The following RANBP3 variants were observed in gnomAD, a reference collection of about 807,000 sequenced individuals.
The protein encoded by RANBP3 is ran-binding protein 3.
A neutral mutation model predicts 77.3 loss-of-function variants in RANBP3; 14 were observed. That is an observed-to-expected ratio of 0.18 (90% CI 0.12 to 0.28). RANBP3 has a LOEUF of 0.28. Ranked by LOEUF, RANBP3 falls within the 10% of genes least tolerant of loss-of-function variation. The pLI, the probability that RANBP3 is intolerant of heterozygous loss-of-function variation, is 1.00. For synonymous variants in RANBP3, 315 were observed against 312.4 expected (o/e 1.01, Z -0.09); for missense variants, 586 against 752.3 (o/e 0.78, Z 2.59).
intron 10 of RANBP3, 111 bp downstream of exon 10, chr19:5,925,523 T>C: frequency 1.1e-6 from 1 of 932,836 alleles, no homozygotes. Context: ...GAGAGCAACC[T>C]GGATTCTGGG....
chr19:5,935,319 GCCT>G (rs2058049089), intron 5 of RANBP3, among the ~76,000 whole-genome samples: 1 of 152,194 alleles, frequency 6.6e-6, no homozygotes, highest in Admixed American at 6.5e-5. Context: ...CAGAGCTGGT[GCCT>G]CTCCCGTAAC....
intron 8 of RANBP3, 109 bp downstream of exon 8, chr19:5,931,295 T>C: frequency 7.5e-7 from 1 of 1,332,202 alleles, no homozygotes; most frequent in Non-Finnish European, 1.0e-6. Flanking sequence ...ACGTGGAAAC[T>C]GCTTGGAACA....
intron 15 of RANBP3, 110 bp downstream of exon 15, chr19:5,918,386 A>ACGGGGGGGGGGCGGG: frequency 1.6e-6 from 1 of 617,696 alleles, no homozygotes; most frequent in African/African-American, 1.9e-5. Flanking sequence ...GAAGCAACTG[A>ACGGGGGGGGGGCGGG]AGCCCCTCCC....
chr19:5,939,404 G>A (rs1426798801), intron 5 of RANBP3, among the ~76,000 whole-genome samples: 1 of 152,120 alleles, frequency 6.6e-6, no homozygotes, highest in African/African-American at 2.4e-5. Flanking sequence ...AGCTGAAGAA[G>A]AACTGACTTT....
intron 1 of RANBP3, among the ~76,000 whole-genome samples, chr19:5,960,862 C>T (rs1384134565): frequency 6.6e-6 from 1 of 152,174 alleles, no homozygotes; most frequent in Non-Finnish European, 1.5e-5. Context: ...CAGGAGAGGG[C>T]CCCTCTGATG....
At chr19:5,932,613 A>T (rs2058008710) in intron 6 of RANBP3, 69 bp from the exon 7 acceptor site, 3 of 1,264,364 alleles carry the variant, frequency 2.4e-6, no homozygotes, top group Non-Finnish European at 2.3e-6. Flanking sequence ...TCAGAGACTG[A>T]CCCCTGGCAT....
At chr19:5,957,090 C>T (rs2058343862) in intron 2 of RANBP3, among the ~76,000 whole-genome samples, 1 of 152,060 alleles carries the variant, frequency 6.6e-6, no homozygotes, top group Non-Finnish European at 1.5e-5. Flanking sequence ...CGTCGCTGGG[C>T]ATCAGTGGGG....
At position 5,924,785 on chromosome 19, in the gene RANBP3, G is replaced by A; in HGVS notation, c.996+42C>T. 1 of 1,578,296 alleles carries A rather than the reference G, an allele frequency of 6.3e-7. No individual in the cohort carries two copies. The highest frequency in any genetic ancestry group is 8.7e-7 in the Non-Finnish European group (1 of 1,147,588). On this transcript the variant is annotated intron_variant, in intron 11 of 16. Transcript: ENST00000340578. The surrounding 1 kb of genome is among the most constrained non-coding windows in gnomAD (Gnocchi z 4.7). ...CCCCTTGACCTGTGGCTGGCGCCGA[G>A]AGCCTCTGGTCCCTGAGAACATTCC...
chr19:5,975,271 C>T (rs775076636), intron 1 of RANBP3, among the ~76,000 whole-genome samples: 5 of 152,088 alleles, frequency 3.3e-5, no homozygotes, highest in Non-Finnish European at 7.4e-5. Flanking sequence ...CCAGAACTAG[C>T]GTCAGGGACA....
intron 1 of RANBP3, among the ~76,000 whole-genome samples, chr19:5,964,869 C>CG (rs2058447772): frequency 3.0e-5 from 1 of 33,140 alleles, no homozygotes; most frequent in Admixed American, 4.9e-4. Context: ...GGGGGTGGCA[C>CG]GGTGGGGGGT....
At chr19:5,936,235 G>T (rs1344130853) in intron 5 of RANBP3, among the ~76,000 whole-genome samples, 1 of 152,270 alleles carries the variant, frequency 6.6e-6, no homozygotes, top group African/African-American at 2.4e-5. Context: ...CCATGCGGTG[G>T]GCAGGGAGTG....
rs142491616 is a variant in RANBP3, at chr19:5,940,887, C to T, written c.406+734G>A. ...CAGAGTTGTGCCCATGGCAGGAGGC[C>T]GGGCTTTCTGAGTGTTATATTAAGT... On this transcript the variant is annotated intron_variant, in intron 5 of 16. Coordinates refer to ENST00000340578, the MANE Select transcript of RANBP3 (RefSeq NM_007322.3). 1.7e-3 allele frequency among the ~76,000 whole-genome samples: 252 copies of T among 152,344 alleles called. 1 individual carries two copies. Among genetic ancestry groups the T allele is most frequent in the South Asian group, 6.2e-3 (30 of 4,830 alleles).
At chr19:5,956,748 T>C (rs1188635888) in intron 2 of RANBP3, among the ~76,000 whole-genome samples, 2 of 152,198 alleles carry the variant, frequency 1.3e-5, no homozygotes, top group African/African-American at 4.8e-5. Flanking sequence ...AGATAAATGC[T>C]GGCTTTGGGA....
intron 7 of RANBP3, 140 bp downstream of exon 7, chr19:5,932,312 A>G: frequency 1.4e-6 from 1 of 703,168 alleles, no homozygotes; most frequent in Non-Finnish European, 2.4e-6. Flanking sequence ...GGGTGATTTA[A>G]AGGATCATCT....
At chr19:5,933,667 G>A (rs985221631) in intron 5 of RANBP3, 188 bp from the exon 6 acceptor site, 1 of 538,438 alleles carries the variant, frequency 1.9e-6, no homozygotes, top group South Asian at 2.3e-5. Context: ...CTGGAGGAGG[G>A]GAGAGACAAG....
intron 5 of RANBP3, chr19:5,935,715 C>T (rs534176393): frequency 1.1e-5 from 5 of 456,696 alleles, no homozygotes; most frequent in South Asian, 6.2e-5. Context: ...AGAGCGTGGC[C>T]CTCTCCAGAG....
In RANBP3 at chr19:5,925,755, C is replaced by T. The variant is rs201047609; in HGVS notation, c.814-18G>A. 1.6e-5 allele frequency: 26 copies of T among 1,606,540 alleles called. No homozygotes were observed. The East Asian group carries it at 2.2e-4, about 14-fold the overall frequency. On this transcript the variant is annotated intron_variant, in intron 9 of 16. Coordinates refer to ENST00000340578, the MANE Select transcript of RANBP3 (RefSeq NM_007322.3). Reference sequence around the variant, plus strand: ...TTTATCAGCTGGGAATGAGACGGAGCGCTCAGTAATCGGGGGTGGGGGGGT... The same window carrying T: ...TTTATCAGCTGGGAATGAGACGGAGTGCTCAGTAATCGGGGGTGGGGGGGT...
intron 1 of RANBP3, among the ~76,000 whole-genome samples, chr19:5,969,414 G>C (rs1481306534): frequency 1.3e-5 from 2 of 152,214 alleles, no homozygotes; most frequent in African/African-American, 4.8e-5. Flanking sequence ...AAAATTCTCT[G>C]TGGCAAACCT....
At chr19:5,945,031 C>A (rs2145155514) in intron 3 of RANBP3, among the ~76,000 whole-genome samples, 1 of 152,282 alleles carries the variant, frequency 6.6e-6, no homozygotes, top group Middle Eastern at 3.4e-3. Context: ...CGAGAATGAA[C>A]CCCTTGGTGA....
Sources: allele counts gnomAD v4.1 joint callset (sites outside exome capture counted in the v4.1 genomes callset), GRCh38; gene constraint gnomAD v4.1.1; non-coding constraint Gnocchi (gnomAD v3.1); transcripts MANE v1.5; gene names NCBI Gene and HGNC (gene_info 2026-07-23, HGNC 2026-07-21).